Variants in EFCAB13 observed in about 807,000 individuals in gnomAD.
The protein encoded by EFCAB13 is EF-hand calcium-binding domain-containing protein 13.
A neutral mutation model predicts 110.2 loss-of-function variants in EFCAB13; 91 were observed. The observed-to-expected ratio is 0.83, with a 90% CI of 0.70 to 0.98. The LOEUF (loss-of-function observed/expected upper bound fraction) is 0.98. Among genes scored for constraint, EFCAB13 ranks in the 50% least tolerant of loss-of-function variants. The pLI, the probability that EFCAB13 is intolerant of heterozygous loss-of-function variation, is 0.00. For missense variants in EFCAB13, 968 were observed against 1,119.4 expected (o/e 0.86, Z 1.93); for synonymous variants, 323 against 369.9 (o/e 0.87, Z 1.45).
At chr17:47,386,101 G>A (rs1034141614) in intron 14 of EFCAB13, among the ~76,000 whole-genome samples, 2 of 152,206 alleles carry the variant, frequency 1.3e-5, no homozygotes, top group Admixed American at 1.3e-4. Flanking sequence ...AGGAGGTATG[G>A]AGGTCAGGGA....
intron 10 of EFCAB13, among the ~76,000 whole-genome samples, chr17:47,362,604 G>A (rs2065521639): frequency 6.6e-6 from 1 of 152,202 alleles, no homozygotes; most frequent in African/African-American, 2.4e-5. Flanking sequence ...GTTATCCGGA[G>A]GCCTAACCGT....
intron 20 of EFCAB13, among the ~76,000 whole-genome samples, chr17:47,406,640 G>A (rs1441144560): frequency 6.6e-6 from 1 of 152,154 alleles, no homozygotes; most frequent in Non-Finnish European, 1.5e-5. Flanking sequence ...CTTTGTCTTG[G>A]AAGTCCTTAT....
chr17:47,361,264 A>G, intron 9 of EFCAB13, 114 bp from the exon 10 acceptor site: 4 of 895,012 alleles, frequency 4.5e-6, no homozygotes, highest in Non-Finnish European at 6.9e-6. Flanking sequence ...AAATATTTAT[A>G]AAACCCTGTG....
intron 18 of EFCAB13, 52 bp downstream of exon 18, chr17:47,402,255 T>C (rs887900520): frequency 6.5e-7 from 1 of 1,539,102 alleles, no homozygotes; most frequent in African/African-American, 1.4e-5. Context: ...TGAAAGGACT[T>C]GCTTTTGTTT....
At chr17:47,377,182 T>C (rs1015878081) in intron 12 of EFCAB13, among the ~76,000 whole-genome samples, 10 of 151,880 alleles carry the variant, frequency 6.6e-5, no homozygotes, top group Non-Finnish European at 1.5e-4. Flanking sequence ...CACATACACA[T>C]ACAAACACAC....
intron 6 of EFCAB13, among the ~76,000 whole-genome samples, chr17:47,343,748 C>T (rs1205445825): frequency 1.3e-5 from 2 of 152,000 alleles, no homozygotes; most frequent in South Asian, 2.1e-4. Flanking sequence ...TAGGGATAAT[C>T]GAAAACAAAA....
In EFCAB13 at chr17:47,334,121, T is replaced by C. The variant is rs79480350; in HGVS notation, c.31-1075T>C. ...TTCTTCAGTTTCCTTTATCAAAGTT[T>C]TATAGTTTTTTTTTTGTTAAAATTT... On this transcript the variant is annotated intron_variant, in intron 4 of 24. Coordinates refer to ENST00000331493, the MANE Select transcript of EFCAB13 (RefSeq NM_152347.5). 4.4e-3 allele frequency among the ~76,000 whole-genome samples: 652 copies of C among 149,330 alleles called. 18 individuals are homozygous for C. The East Asian group carries it at 0.07, about 16-fold the overall frequency.
intron 19 of EFCAB13, 38 bp from the exon 20 acceptor site, chr17:47,404,524 A>G (rs574950746): frequency 6.6e-7 from 1 of 1,515,920 alleles, no homozygotes; most frequent in African/African-American, 1.4e-5. Context: ...TACTTTGTCT[A>G]GGGGTTCTTG....
chr17:47,377,845 A>T lies in EFCAB13; in HGVS notation c.1452A>T (p.Thr484=), dbSNP rs374058010. The part of the protein sequence containing the change: ...AEELQSILPS[T]GINLLDEEFQ... ...AACTTCAGTCTATTTTGCCTTCAAC[A>T]GGAATTAATTTATTAGATGAAGAAT... Residue 484 remains threonine, a synonymous_variant, in exon 13 of 25, where the codon ACA becomes ACT. Transcript: ENST00000331493. The T allele has an allele frequency of 4.4e-6, 7 of 1,598,210 alleles. No homozygotes were observed. The Admixed American group carries it at 1.3e-4, about 29-fold the overall frequency.
At chr17:47,400,849 T>A (rs557056442) in intron 17 of EFCAB13, among the ~76,000 whole-genome samples, 11 of 152,330 alleles carry the variant, frequency 7.2e-5, no homozygotes, top group African/African-American at 2.6e-4. Flanking sequence ...TACTGTAAAT[T>A]GAAGACACTT....
chr17:47,395,996 A>G lies in EFCAB13; in HGVS notation c.1945+19A>G. 6.4e-7 allele frequency: 1 copy of G among 1,572,694 alleles called. No individual in the cohort carries two copies. The highest frequency in any genetic ancestry group is 8.6e-7 in the Non-Finnish European group (1 of 1,156,800). On this transcript the variant is annotated intron_variant, in intron 17 of 24. Transcript: ENST00000331493. ...GTTGATGGTGAGTGTTACAAATACT[A>G]AAATTAAAAAGTATACCAAGATATT... is the stretch of plus-strand genomic sequence containing the variant.
chr17:47,380,128 C>T (rs774738759), intron 14 of EFCAB13, among the ~76,000 whole-genome samples: 6 of 152,120 alleles, frequency 3.9e-5, no homozygotes, highest in African/African-American at 7.2e-5. Context: ...ATGTGCAGAA[C>T]GTGCAGGTTT....
chr17:47,338,456 C>G (rs1315828345), intron 5 of EFCAB13, among the ~76,000 whole-genome samples: 4 of 151,784 alleles, frequency 2.6e-5, no homozygotes. Context: ...CACTATATTG[C>G]CCAGGCTGGT....
chr17:47,338,569 T>TTA (rs397965028), intron 5 of EFCAB13, among the ~76,000 whole-genome samples: 1 of 151,628 alleles, frequency 6.6e-6, no homozygotes, highest in South Asian at 2.1e-4. Flanking sequence ...TTTTTTTTTT[T>TTA]AAATAAATAA....
At chr17:47,426,839 G>A (rs1280390624) in intron 23 of EFCAB13, among the ~76,000 whole-genome samples, 1 of 152,140 alleles carries the variant, frequency 6.6e-6, no homozygotes, top group African/African-American at 2.4e-5. Context: ...TTCCACATGA[G>A]TGGTTTGGTC....
intron 17 of EFCAB13, among the ~76,000 whole-genome samples, chr17:47,401,164 G>A (rs2065777110): frequency 6.6e-6 from 1 of 152,188 alleles, no homozygotes; most frequent in Non-Finnish European, 1.5e-5. Context: ...AAGTTCAAGT[G>A]TCAATTTAAA....
intron 14 of EFCAB13, among the ~76,000 whole-genome samples, chr17:47,386,928 G>A (rs1453908055): frequency 1.3e-5 from 2 of 150,660 alleles, no homozygotes; most frequent in Admixed American, 6.6e-5. Context: ...TGGGTGAGGC[G>A]ATGCCCAACC....
At chr17:47,331,725 C>G (rs967355535) in intron 4 of EFCAB13, among the ~76,000 whole-genome samples, 1 of 152,132 alleles carries the variant, frequency 6.6e-6, no homozygotes, top group African/African-American at 2.4e-5. Flanking sequence ...TGTGCTCTAG[C>G]TATTTACTTC....
At chr17:47,370,535 A>AGTTTTGTT (rs770949749) in intron 11 of EFCAB13, 27 bp downstream of exon 11, 1 of 1,491,088 alleles carries the variant, frequency 6.7e-7, no homozygotes, top group African/African-American at 1.4e-5. Context: ...TGCTATGACA[A>AGTTTTGTT]GTTTTGTTTA....
Sources: allele counts gnomAD v4.1 joint callset (sites outside exome capture counted in the v4.1 genomes callset), GRCh38; gene constraint gnomAD v4.1.1; transcripts MANE v1.5; gene names NCBI Gene and HGNC (gene_info 2026-07-23, HGNC 2026-07-21).